Variants in NPNT observed in about 807,000 individuals in gnomAD.
NPNT encodes the protein preosteoblast EGF-like repeat protein with MAM domain.
In NPNT, 45 loss-of-function variants were observed where a neutral mutation model predicts 68.6. The ratio of observed to expected loss-of-function variants is 0.66; its 90% CI spans 0.52 to 0.84. NPNT has a LOEUF of 0.84. Among genes scored for constraint, NPNT ranks in the 40% least tolerant of loss-of-function variants. The probability of loss-of-function intolerance (pLI) is 0.00; values close to 1 mark genes in which losing one functional copy is unlikely to be tolerated. For synonymous variants in NPNT, 233 were observed against 253.3 expected (o/e 0.92, Z 0.76); for missense variants, 672 against 714.8 (o/e 0.94, Z 0.68).
chr4:105,966,957 G>A (rs1732194394), intron 10 of NPNT, among the ~76,000 whole-genome samples: 1 of 152,218 alleles, frequency 6.6e-6, no homozygotes, highest in South Asian at 2.1e-4. Flanking sequence ...ATTATTGTGT[G>A]TCTCTGGCAT....
intron 2 of NPNT, among the ~76,000 whole-genome samples, chr4:105,905,152 C>T (rs1726782390): frequency 6.6e-6 from 1 of 151,632 alleles, no homozygotes; most frequent in African/African-American, 2.4e-5. Flanking sequence ...TTTGGGGACA[C>T]CGTTTATGAT....
intron 10 of NPNT, 79 bp from the exon 11 acceptor site, chr4:105,967,109 A>C: frequency 1.4e-6 from 2 of 1,425,512 alleles, no homozygotes; most frequent in Non-Finnish European, 1.9e-6. Flanking sequence ...AAAAAAAAAA[A>C]ACTAAAACTC....
chr4:105,895,543 A>C lies in NPNT; in HGVS notation c.-110A>C. On this transcript the variant is annotated 5_prime_UTR_variant, in exon 1 of 12. Transcript: ENST00000379987. ...AGCGGCAGCAGTAGCCCGGGCGGCG[A>C]GGGCTGGGGGTTCCTCGAGACTCTC... 1 of 865,280 alleles carries C rather than the reference A, an allele frequency of 1.2e-6. No individual in the cohort carries two copies. Among genetic ancestry groups the C allele is most frequent in the South Asian group, 1.7e-5 (1 of 57,164 alleles). The allele number at this position is 865,280 out of a possible 1,614,324, so 53.6% of individuals were successfully genotyped here. A position where few individuals can be genotyped will look rare whatever the true frequency, so the allele number is the denominator to read the frequency against.
At chr4:105,958,661 C>G (rs1731436347) in intron 9 of NPNT, 104 bp downstream of exon 9, 1 of 586,118 alleles carries the variant, frequency 1.7e-6, no homozygotes, top group Non-Finnish European at 2.9e-6. Flanking sequence ...GAAAATTACA[C>G]CTGTTTTCTT....
At chr4:105,897,168 G>A (rs1560880027) in intron 1 of NPNT, among the ~76,000 whole-genome samples, 1 of 152,142 alleles carries the variant, frequency 6.6e-6, no homozygotes, top group Non-Finnish European at 1.5e-5. Flanking sequence ...ATGTGTCAAC[G>A]TGTAATCAGG....
chr4:105,900,913 C>T (rs556686353), intron 2 of NPNT, among the ~76,000 whole-genome samples: 181 of 137,318 alleles, frequency 1.3e-3, no homozygotes, highest in African/African-American at 4.6e-3. Flanking sequence ...GAAAATTCAA[C>T]ATTTGATTTT....
intron 2 of NPNT, among the ~76,000 whole-genome samples, chr4:105,920,155 C>T (rs1728142084): frequency 1.3e-5 from 2 of 151,792 alleles, no homozygotes; most frequent in Non-Finnish European, 2.9e-5. Flanking sequence ...CTTCTTGATG[C>T]TCAAACAATC....
Position 105,942,424 on chromosome 4 carries a change from G to A in NPNT, c.881G>A (p.Trp294Ter). The A allele has an allele frequency of 6.2e-7, 1 of 1,613,818 alleles. No homozygotes were observed. Among genetic ancestry groups the A allele is most frequent in the Non-Finnish European group, 8.5e-7 (1 of 1,179,910 alleles). Residue 294 changes from tryptophan (W) to a stop codon, truncating the protein, a stop_gained, in exon 8 of 12, where the codon TGG becomes TAG. Coordinates refer to ENST00000379987, the MANE Select transcript of NPNT (RefSeq NM_001033047.3). LOFTEE classifies it high-confidence loss of function. ...TGGATTCCTGATGTTGGAAGTACTT[G>A]GTGGCCTCCGAAGACACCATATATT... ...NNWIPDVGST[W>*]WPPKTPYIPP...
At chr4:105,958,021 G>C (rs1057043847) in intron 8 of NPNT, among the ~76,000 whole-genome samples, 5 of 152,116 alleles carry the variant, frequency 3.3e-5, no homozygotes, top group Admixed American at 2.0e-4. Context: ...GGAGTTCACT[G>C]GGGGTGGGGA....
chr4:105,901,966 A>G (rs911117563), intron 2 of NPNT, among the ~76,000 whole-genome samples: 1 of 152,172 alleles, frequency 6.6e-6, no homozygotes, highest in Non-Finnish European at 1.5e-5. Flanking sequence ...TTCTTTCTGC[A>G]TTTCAAATGA....
chr4:105,949,950 T>C (rs970542231), intron 8 of NPNT, among the ~76,000 whole-genome samples: 8 of 152,194 alleles, frequency 5.3e-5, no homozygotes, highest in Admixed American at 5.2e-4. Context: ...TTTTGTTGTC[T>C]TTATCCAGTA....
In NPNT at chr4:105,932,732, C is replaced by T. The variant is rs577366067; in HGVS notation, c.266-4277C>T. ...AGCGTGCATTGTCCCAGGTGGTCTG[C>T]TCTTCCCACCTGCATGGCTTCCTGC... On this transcript the variant is annotated intron_variant, in intron 3 of 11. Transcript: ENST00000379987. The T allele has an allele frequency of 2.5e-5, 35 of 1,397,948 alleles. No homozygotes were observed. In the Admixed American group the frequency reaches 6.3e-4, roughly 25 times the overall value. The allele number at this position is 1,397,948 out of a possible 1,614,324, so 86.6% of individuals were successfully genotyped here. A position where few individuals can be genotyped will look rare whatever the true frequency, so the allele number is the denominator to read the frequency against.
At chr4:105,921,942 T>A (rs1374563673) in intron 2 of NPNT, among the ~76,000 whole-genome samples, 1 of 152,242 alleles carries the variant, frequency 6.6e-6, no homozygotes, top group Non-Finnish European at 1.5e-5. Context: ...TATTTGTTCT[T>A]CTGCCCTACC....
At chr4:105,936,879 A>G in intron 3 of NPNT, 130 bp from the exon 4 acceptor site, 1 of 876,080 alleles carries the variant, frequency 1.1e-6, no homozygotes. Context: ...TCTATCTCTT[A>G]TGTAAATGAC....
intron 2 of NPNT, 41 bp from the exon 3 acceptor site, chr4:105,927,295 T>C: frequency 7.7e-7 from 1 of 1,294,602 alleles, no homozygotes; most frequent in Non-Finnish European, 1.1e-6. Flanking sequence ...GATTGGTGTT[T>C]CGTTGACCTA....
chr4:105,902,723 T>C (rs1217906178), intron 2 of NPNT: 2 of 152,240 alleles, frequency 1.3e-5, no homozygotes, highest in African/African-American at 4.8e-5. Flanking sequence ...TACCTTTGGG[T>C]AACTTCAAGT....
intron 8 of NPNT, among the ~76,000 whole-genome samples, chr4:105,949,656 A>G (rs1416148092): frequency 6.6e-6 from 1 of 152,192 alleles, no homozygotes; most frequent in Non-Finnish European, 1.5e-5. Context: ...ACCCAAAGTA[A>G]AGGAAGTTAG....
intron 2 of NPNT, among the ~76,000 whole-genome samples, chr4:105,908,785 GATCTCC>G (rs1727128002): frequency 6.6e-6 from 1 of 151,996 alleles, no homozygotes; most frequent in African/African-American, 2.4e-5. Flanking sequence ...GGATGGTCTC[GATCTCC>G]TGACCTCGTG....
At position 105,962,435 on chromosome 4, in the gene NPNT, G is replaced by A. The variant is rs1731793093; in HGVS notation, c.1345+3309G>A. ...TAGGATTGATGGGTAAAAAATACAG[G>A]GAGATTCATTTTGGCTCACTGTCAT... On this transcript the variant is annotated intron_variant, in intron 10 of 11. Coordinates refer to ENST00000379987, the MANE Select transcript of NPNT (RefSeq NM_001033047.3). Among the ~76,000 whole-genome samples the A allele has an allele frequency of 2.0e-5, 3 of 152,142 alleles. No individual in the cohort carries two copies. In the South Asian group the frequency reaches 6.2e-4, roughly 32 times the overall value.
Sources: gnomAD v4.1 joint callset for allele counts (sites outside exome capture counted in the v4.1 genomes callset) on GRCh38, gnomAD v4.1.1 for gene constraint, MANE v1.5 for transcripts, NCBI Gene and HGNC (gene_info 2026-07-23, HGNC 2026-07-21) for gene names.